Variants in CORIN observed in about 807,000 individuals in gnomAD.
The protein encoded by CORIN is atrial natriuretic peptide-converting enzyme.
In CORIN, 117 loss-of-function variants were observed where a neutral mutation model predicts 125.3. The ratio of observed to expected loss-of-function variants is 0.93; its 90% CI spans 0.80 to 1.09. The LOEUF (loss-of-function observed/expected upper bound fraction) is 1.09, where lower values mean the gene tolerates loss of function less well. CORIN is among the 50% of genes least tolerant of loss of function. The probability of loss-of-function intolerance (pLI) is 0.00; values close to 1 mark genes in which losing one functional copy is unlikely to be tolerated. For synonymous variants in CORIN, 450 were observed against 466.4 expected (o/e 0.96, Z 0.45); for missense variants, 1,253 against 1,306.7 (o/e 0.96, Z 0.63).
chr4:47,778,745 T>C (rs1577915379), intron 3 of CORIN, among the ~76,000 whole-genome samples: 1 of 152,294 alleles, frequency 6.6e-6, no homozygotes, highest in South Asian at 2.1e-4. Flanking sequence ...ATTTAATATA[T>C]AGAGGAGAGA....
intron 6 of CORIN, 99 bp from the exon 7 acceptor site, chr4:47,683,937 A>C: frequency 1.2e-6 from 1 of 807,658 alleles, no homozygotes; most frequent in Non-Finnish European, 2.0e-6. Context: ...GGACACCCTA[A>C]TGGTAACCTG....
intron 15 of CORIN, chr4:47,642,728 G>A: frequency 1.3e-6 from 1 of 790,480 alleles, no homozygotes. Context: ...TGTGTAAGGA[G>A]CTAGACAGTT....
intron 5 of CORIN, among the ~76,000 whole-genome samples, chr4:47,728,553 T>C (rs1727707913): frequency 6.6e-6 from 1 of 152,208 alleles, no homozygotes; most frequent in Admixed American, 6.5e-5. Context: ...ATGAGCAGCA[T>C]TCTTGTTAGA....
intron 16 of CORIN, among the ~76,000 whole-genome samples, chr4:47,633,841 C>G (rs540625775): frequency 2.6e-5 from 4 of 152,216 alleles, no homozygotes; most frequent in Non-Finnish European, 2.9e-5. Flanking sequence ...TTTTCTAACA[C>G]AAGTCTTGCT....
intron 19 of CORIN, among the ~76,000 whole-genome samples, chr4:47,616,379 T>C (rs13133683): frequency 8.6e-5 from 13 of 151,804 alleles, no homozygotes; most frequent in African/African-American, 2.9e-4. Flanking sequence ...TGTGATGAGA[T>C]GAGTGAGTGT....
At chr4:47,740,684 C>A (rs566457135) in intron 5 of CORIN, among the ~76,000 whole-genome samples, 20 of 151,868 alleles carry the variant, frequency 1.3e-4, no homozygotes, top group African/African-American at 4.3e-4. Flanking sequence ...CTAAAGTAAT[C>A]CTTAAAAAGT....
chr4:47,706,133 C>A (rs1345862131), intron 5 of CORIN, among the ~76,000 whole-genome samples: 1 of 152,140 alleles, frequency 6.6e-6, no homozygotes, highest in East Asian at 1.9e-4. Context: ...AATGTGATTT[C>A]TGTGGATGCT....
At chr4:47,722,628 C>G (rs926609828) in intron 5 of CORIN, among the ~76,000 whole-genome samples, 1 of 152,124 alleles carries the variant, frequency 6.6e-6, no homozygotes, top group African/African-American at 2.4e-5. Flanking sequence ...AAATAAACCC[C>G]GAAAGCAGAG....
chr4:47,707,478 T>A (rs909455760), intron 5 of CORIN, among the ~76,000 whole-genome samples: 2 of 152,220 alleles, frequency 1.3e-5, no homozygotes, highest in Non-Finnish European at 2.9e-5. Context: ...CTCGTTTAAC[T>A]TAAGCCAAAA....
rs2351788 is a variant in CORIN at position 47,657,003 on chromosome 4, G to A, written c.1736-3343C>T. On this transcript the variant is annotated intron_variant, in intron 12 of 21. Transcript: ENST00000273857. The stretch of plus-strand genomic sequence containing the variant: ...TATGCCAACAACAAAAAATGTGAAA[G>A]AGAAACCAAGAAAGTAACCTCATTT... Among the ~76,000 whole-genome samples, 694 of 152,102 alleles carry A rather than the reference G, an allele frequency of 4.6e-3. 20 individuals are homozygous for A. The East Asian group carries it at 0.048, about 11-fold the overall frequency.
chr4:47,600,554 G>A (rs887474605), intron 20 of CORIN, among the ~76,000 whole-genome samples: 4 of 152,060 alleles, frequency 2.6e-5, no homozygotes, highest in Admixed American at 6.5e-5. Flanking sequence ...GCAATTATCC[G>A]GTGAAACTCC....
At chr4:47,802,142 G>A (rs1258121614) in intron 2 of CORIN, among the ~76,000 whole-genome samples, 1 of 152,246 alleles carries the variant, frequency 6.6e-6, no homozygotes, top group Non-Finnish European at 1.5e-5. Flanking sequence ...AGAGCCTTGG[G>A]CTCTGAGATG....
chr4:47,730,472 CAAAAA>C (rs71199996), intron 5 of CORIN, among the ~76,000 whole-genome samples: 7 of 66,024 alleles, frequency 1.1e-4, no homozygotes, highest in African/African-American at 2.5e-4. Context: ...GACTCCATCT[CAAAAA>C]AAAAAAAAAA....
intron 5 of CORIN, among the ~76,000 whole-genome samples, chr4:47,739,022 G>A (rs1728260573): frequency 6.6e-6 from 1 of 151,324 alleles, no homozygotes; most frequent in African/African-American, 2.4e-5. Flanking sequence ...CTAGTCTAAG[G>A]AACAGAAAGA....
chr4:47,768,205 CT>C (rs1260269183), intron 3 of CORIN, among the ~76,000 whole-genome samples: 1 of 152,194 alleles, frequency 6.6e-6, no homozygotes, highest in Non-Finnish European at 1.5e-5. Context: ...GGCCCCACCC[CT>C]GTCTCCCTTC....
At chr4:47,642,731 A>T in intron 15 of CORIN, 1 of 808,996 alleles carries the variant, frequency 1.2e-6, no homozygotes, top group Non-Finnish European at 1.9e-6. Context: ...GTAAGGAGCT[A>T]GACAGTTAGA....
chr4:47,671,152 T>TA (rs1401226838), intron 10 of CORIN, among the ~76,000 whole-genome samples: 1 of 152,300 alleles, frequency 6.6e-6, no homozygotes, highest in Admixed American at 6.5e-5. Context: ...TCTGTAGAAT[T>TA]AAAAAATACT....
chr4:47,833,832 A>G (rs1447302685), intron 1 of CORIN, among the ~76,000 whole-genome samples: 1 of 152,232 alleles, frequency 6.6e-6, no homozygotes, highest in East Asian at 1.9e-4. Context: ...TCAACAGAGA[A>G]TTACAAATCA....
At chr4:47,721,028 G>A (rs1386223825) in intron 5 of CORIN, among the ~76,000 whole-genome samples, 2 of 152,106 alleles carry the variant, frequency 1.3e-5, no homozygotes, top group Non-Finnish European at 2.9e-5. Flanking sequence ...CCACAGATGG[G>A]GTGGCTTAAA....
Sources: gnomAD v4.1 joint callset for allele counts (sites outside exome capture counted in the v4.1 genomes callset) on GRCh38, gnomAD v4.1.1 for gene constraint, MANE v1.5 for transcripts, NCBI Gene and HGNC (gene_info 2026-07-23, HGNC 2026-07-21) for gene names.